GALNT17: variants seen among roughly 807,000 people sequenced by gnomAD.
GALNT17 encodes the protein polypeptide N-acetylgalactosaminyltransferase 17.
In GALNT17, 29 loss-of-function variants were observed where a neutral mutation model predicts 63.7. The observed-to-expected ratio is 0.46, with a 90% CI of 0.34 to 0.62. The LOEUF (loss-of-function observed/expected upper bound fraction) is 0.62, where lower values mean the gene tolerates loss of function less well. GALNT17 is among the 20% of genes least tolerant of loss of function. The pLI, the probability that GALNT17 is intolerant of heterozygous loss-of-function variation, is 0.01. For missense variants in GALNT17, 603 were observed against 799.6 expected (o/e 0.75, Z 2.97); for synonymous variants, 305 against 318.3 (o/e 0.96, Z 0.45).
intron 5 of GALNT17, among the ~76,000 whole-genome samples, chr7:71,449,114 T>TTTTTTC (rs1554373995): frequency 1.7e-5 from 2 of 120,292 alleles, no homozygotes; most frequent in Admixed American, 8.7e-5. Flanking sequence ...TTTTCTTTTT[T>TTTTTTC]TTTTTTTTTT....
At chr7:71,515,332 C>T (rs1242184566) in intron 5 of GALNT17, among the ~76,000 whole-genome samples, 1 of 152,198 alleles carries the variant, frequency 6.6e-6, no homozygotes, top group Admixed American at 6.5e-5. Flanking sequence ...CAGGAGATTC[C>T]TGCTAGTGGA....
intron 1 of GALNT17, among the ~76,000 whole-genome samples, chr7:71,259,804 G>A (rs913676887): frequency 4.0e-5 from 6 of 151,862 alleles, no homozygotes; most frequent in African/African-American, 1.2e-4. Flanking sequence ...ACCACGCCTG[G>A]CTAATTTTTT....
chr7:71,587,247 C>T (rs1445597790), intron 6 of GALNT17, among the ~76,000 whole-genome samples: 3 of 152,012 alleles, frequency 2.0e-5, no homozygotes, highest in South Asian at 2.1e-4. Flanking sequence ...AGGCTGGTCT[C>T]GAACTTTTGG....
At chr7:71,165,078 G>A (rs1247498901) in intron 1 of GALNT17, among the ~76,000 whole-genome samples, 1 of 152,194 alleles carries the variant, frequency 6.6e-6, no homozygotes, top group African/African-American at 2.4e-5. Context: ...TCATAAAAAA[G>A]TGACCTACTT....
rs565185445 is a variant in GALNT17 at position 71,675,737 on chromosome 7, A to G, written c.1405-1474A>G. On this transcript the variant is annotated intron_variant, in intron 8 of 10. Transcript: ENST00000333538. ...CGCAGTGGTTCACACCTATAATCCC[A>G]GCACTTTGGGAGGCCAAGGCAGGTG... Among the ~76,000 whole-genome samples the G allele has an allele frequency of 8.9e-4, 136 of 152,352 alleles. 2 individuals are homozygous for G. Among genetic ancestry groups the G allele is most frequent in the African/African-American group, 3.1e-3 (131 of 41,592 alleles).
intron 1 of GALNT17, among the ~76,000 whole-genome samples, chr7:71,156,834 C>G (rs1788246069): frequency 6.6e-6 from 1 of 151,784 alleles, no homozygotes; most frequent in Non-Finnish European, 1.5e-5. Flanking sequence ...ATCCTCCTGC[C>G]TCAGCCTCCC....
At chr7:71,498,895 G>A (rs1408431159) in intron 5 of GALNT17, among the ~76,000 whole-genome samples, 1 of 152,218 alleles carries the variant, frequency 6.6e-6, no homozygotes, top group African/African-American at 2.4e-5. Context: ...TTGTGAAAAT[G>A]TAGAAGCTCT....
intron 6 of GALNT17, among the ~76,000 whole-genome samples, chr7:71,609,778 CATAT>C (rs910061351): frequency 3.3e-5 from 5 of 151,458 alleles, no homozygotes; most frequent in African/African-American, 1.2e-4. Flanking sequence ...ATGGTGTCAC[CATAT>C]AGTCAATAAT....
chr7:71,330,954 G>T (rs1791797841), intron 1 of GALNT17, among the ~76,000 whole-genome samples: 1 of 152,098 alleles, frequency 6.6e-6, no homozygotes, highest in South Asian at 2.1e-4. Context: ...CACGGCTCTA[G>T]CCTGCTTGTC....
At chr7:71,432,458 G>A (rs139047848) in intron 5 of GALNT17, among the ~76,000 whole-genome samples, 110 of 152,262 alleles carry the variant, frequency 7.2e-4, no homozygotes, top group African/African-American at 2.0e-3. Flanking sequence ...CAGTAGCATC[G>A]TCCAGGGCCT....
At chr7:71,536,198 G>T (rs1788799365) in intron 5 of GALNT17, among the ~76,000 whole-genome samples, 1 of 152,114 alleles carries the variant, frequency 6.6e-6, no homozygotes, top group African/African-American at 2.4e-5. Context: ...AGATGATTTG[G>T]CAGGCTCGCA....
rs529925290 is a variant in GALNT17, at chr7:71,145,850, C to T, written c.238+12810C>T. Among the ~76,000 whole-genome samples the T allele has an allele frequency of 2.8e-4, 43 of 152,098 alleles. 1 individual carries two copies. The highest frequency in any genetic ancestry group is 9.4e-4 in the African/African-American group (39 of 41,512). ...CCTGCTGAGTAGCTGGGATTACAGG[C>T]GGCCGCCACCACACCCCGCTAATTT... On this transcript the variant is annotated intron_variant, in intron 1 of 10. Transcript: ENST00000333538.
At chr7:71,192,119 G>A (rs1258355946) in intron 1 of GALNT17, among the ~76,000 whole-genome samples, 1 of 152,168 alleles carries the variant, frequency 6.6e-6, no homozygotes, top group Non-Finnish European at 1.5e-5. Context: ...TTCGAGGTCA[G>A]GAAGCATCCA....
intron 5 of GALNT17, among the ~76,000 whole-genome samples, chr7:71,494,008 C>G (rs920343795): frequency 1.3e-5 from 2 of 151,928 alleles, no homozygotes; most frequent in Non-Finnish European, 2.9e-5. Context: ...AGTCCATTTT[C>G]ACACTACTCT....
At chr7:71,401,704 G>C (rs907675467) in intron 3 of GALNT17, among the ~76,000 whole-genome samples, 1 of 152,064 alleles carries the variant, frequency 6.6e-6, no homozygotes, top group African/African-American at 2.4e-5. Context: ...TCTAGGTTGC[G>C]CGCTCCTTAT....
intron 5 of GALNT17, among the ~76,000 whole-genome samples, chr7:71,447,684 G>T (rs552455383): frequency 4.3e-4 from 65 of 152,046 alleles, no homozygotes; most frequent in Admixed American, 3.3e-4. Flanking sequence ...GATCCACATG[G>T]TATACTTTGG....
chr7:71,272,438 T>C (rs1790610658), intron 1 of GALNT17, among the ~76,000 whole-genome samples: 1 of 152,226 alleles, frequency 6.6e-6, no homozygotes, highest in Non-Finnish European at 1.5e-5. Flanking sequence ...TTTTGCATTC[T>C]CACAGCTATG....
At chr7:71,518,084 G>A (rs993006691) in intron 5 of GALNT17, among the ~76,000 whole-genome samples, 1 of 152,172 alleles carries the variant, frequency 6.6e-6, no homozygotes, top group Non-Finnish European at 1.5e-5. Flanking sequence ...AAGAAAAAGA[G>A]GACAGGGCCA....
intron 3 of GALNT17, among the ~76,000 whole-genome samples, chr7:71,407,509 AG>A (rs1793350359): frequency 6.6e-6 from 1 of 152,194 alleles, no homozygotes; most frequent in African/African-American, 2.4e-5. Flanking sequence ...GCACTTTGGG[AG>A]GCTAAGGCAG....
Sources: gnomAD v4.1 joint callset for allele counts (sites outside exome capture counted in the v4.1 genomes callset) on GRCh38, gnomAD v4.1.1 for gene constraint, MANE v1.5 for transcripts, NCBI Gene and HGNC (gene_info 2026-07-23, HGNC 2026-07-21) for gene names.